Variants in CCNDBP1 observed in about 807,000 individuals in gnomAD.
CCNDBP1 encodes the protein cyclin-D1-binding protein 1.
CCNDBP1 carries 45 observed loss-of-function variants against 46.2 expected under a neutral mutation model. The ratio of observed to expected loss-of-function variants is 0.97; its 90% CI spans 0.77 to 1.25. The LOEUF is 1.25. Ranked by LOEUF, CCNDBP1 falls within the 50% of genes most tolerant of loss-of-function variation. CCNDBP1 has a pLI of 0.00. For synonymous variants in CCNDBP1, 154 were observed against 163.6 expected (o/e 0.94, Z 0.45); for missense variants, 436 against 442.1 (o/e 0.99, Z 0.12).
chr15:43,194,520 C>A, intron 10 of CCNDBP1, 59 bp downstream of exon 10: 4 of 1,327,726 alleles, frequency 3.0e-6, no homozygotes, highest in Non-Finnish European at 4.3e-6. Context: ...GCTGTCCAGA[C>A]GTTCTCAACT....
Position 43,196,559 on chromosome 15 carries a change from A to G in CCNDBP1, c.*1718A>G, listed in dbSNP as rs2042040554. 1 of 152,356 alleles carries G rather than the reference A, an allele frequency of 6.6e-6. No homozygotes were observed. The highest frequency in any genetic ancestry group is 2.1e-4 in the South Asian group (1 of 4,824). 9.4% of individuals were successfully genotyped at this position (152,356 alleles called of 1,614,324 possible). ...CACGTCAGCCTCCCAAAGTGCTGGG[A>G]TTACAGATGTGAGCCACCGAGCCCA... On this transcript the variant is annotated 3_prime_UTR_variant, in exon 11 of 11. Coordinates refer to ENST00000300213, the MANE Select transcript of CCNDBP1 (RefSeq NM_012142.5).
rs763476042 is a variant in CCNDBP1, at chr15:43,189,077, CAAAAAA to C, written c.250-100_250-95del. 313 of 152,170 alleles carry C rather than the reference CAAAAAA, an allele frequency of 2.1e-3. 3 individuals are homozygous for C. In the African/African-American group the frequency reaches 0.042, roughly 21 times the overall value. The allele number at this position is 152,170 out of a possible 1,614,324, so 9.4% of individuals were successfully genotyped here. On this transcript the variant is annotated intron_variant, in intron 3 of 10. Transcript: ENST00000300213. ...TGGGTGACAGAGTGAGACTCTGTCT[CAAAAAA>C]AAAAAAAAAAAAAAAAAAAAAGAAA...
intron 1 of CCNDBP1, 38 bp downstream of exon 1, chr15:43,185,645 G>A: frequency 1.4e-6 from 2 of 1,439,184 alleles, no homozygotes; most frequent in Non-Finnish European, 1.9e-6. Context: ...CGGCAGGGGC[G>A]GGCTCGGGGT....
At chr15:43,186,272 T>TA (rs776632562) in intron 3 of CCNDBP1, 39 bp downstream of exon 3, 2 of 1,509,944 alleles carry the variant, frequency 1.3e-6, no homozygotes, top group South Asian at 2.3e-5. Flanking sequence ...GCTGCCGAGT[T>TA]ACACCTTAGG....
Position 43,185,546 on chromosome 15 carries a change from G to A in CCNDBP1, c.48G>A (p.Ser16=), listed in dbSNP as rs1409055788. The change falls in exon 1 of 11, where the codon TCG becomes TCA. Residue 16 remains serine, a synonymous_variant. Coordinates refer to ENST00000300213, the MANE Select transcript of CCNDBP1 (RefSeq NM_012142.5). ...CAGCCGCAGTCCCCACCCTGGCTTCGCCTTTGGAGCAGCTCCGGCACTTGG... is the reference window on the plus strand; with the variant it reads ...CAGCCGCAGTCCCCACCCTGGCTTCACCTTTGGAGCAGCTCCGGCACTTGG... ...APAAAVPTLA[S]PLEQLRHLAE... 4 of 1,595,778 alleles carry A rather than the reference G, an allele frequency of 2.5e-6. No homozygotes were observed. The highest frequency in any genetic ancestry group is 2.3e-5 in the South Asian group (2 of 88,538).
At position 43,194,973 on chromosome 15, in the gene CCNDBP1, A is replaced by G; in HGVS notation, c.*132A>G. The G allele has an allele frequency of 1.7e-6, 1 of 588,082 alleles. No homozygotes were observed. Among genetic ancestry groups the G allele is most frequent in the Admixed American group, 3.3e-5 (1 of 30,382 alleles). 36.4% of individuals were successfully genotyped at this position (588,082 alleles called of 1,614,324 possible). A position where few individuals can be genotyped will look rare whatever the true frequency, so the allele number is the denominator to read the frequency against. ...CTATCTATATTTAGCAAGAGACACTATTACCAAAGATTGTTGGTTAGGCCA... is the reference window on the plus strand; with the variant it reads ...CTATCTATATTTAGCAAGAGACACTGTTACCAAAGATTGTTGGTTAGGCCA... On this transcript the variant is annotated 3_prime_UTR_variant, in exon 11 of 11. Coordinates refer to ENST00000300213, the MANE Select transcript of CCNDBP1 (RefSeq NM_012142.5).
At position 43,196,278 on chromosome 15, in the gene CCNDBP1, ATTTTTTTTTTTTTT is replaced by A. The variant is rs11337946; in HGVS notation, c.*1449_*1462del. Reference sequence around the variant, plus strand: ...ATCAGGGAAAGCACTGATCAATGTAATTTTTTTTTTTTTTTTTTTTTTTTTGAGATGGAGTCTTG... The same window carrying A: ...ATCAGGGAAAGCACTGATCAATGTAATTTTTTTTTTTGAGATGGAGTCTTG... On this transcript the variant is annotated 3_prime_UTR_variant, in exon 11 of 11. Coordinates refer to ENST00000300213, the MANE Select transcript of CCNDBP1 (RefSeq NM_012142.5). 2 of 64,930 alleles carry A rather than the reference ATTTTTTTTTTTTTT, an allele frequency of 3.1e-5. No homozygotes were observed. The highest frequency in any genetic ancestry group is 4.9e-5 in the African/African-American group (1 of 20,604). The allele number at this position is 64,930 out of a possible 1,614,324, so 4.0% of individuals were successfully genotyped here.
Position 43,185,480 on chromosome 15 carries a change from C to A in CCNDBP1, c.-19C>A. 1 of 1,563,714 alleles carries A rather than the reference C, an allele frequency of 6.4e-7. No individual in the cohort carries two copies. ...TGGCAGCGGAGGCCTGTGTTTGCGG[C>A]CTTCGGCAAGCGACTGAGATGGCGA... On this transcript the variant is annotated 5_prime_UTR_variant, in exon 1 of 11. Coordinates refer to ENST00000300213, the MANE Select transcript of CCNDBP1 (RefSeq NM_012142.5).
rs375788307 is a variant in CCNDBP1 at position 43,186,140 on chromosome 15, C to T, written c.170-14C>T. Reference sequence around the variant, plus strand: ...AACGTATTGGCACCTGCCTCCTCTTCGGCCACCCCCCAGATGAGGCAGCTG... The same window carrying T: ...AACGTATTGGCACCTGCCTCCTCTTTGGCCACCCCCCAGATGAGGCAGCTG... On this transcript the variant is annotated splice_polypyrimidine_tract_variant and intron_variant, in intron 2 of 10. Transcript: ENST00000300213. The T allele has an allele frequency of 3.7e-5, 59 of 1,612,656 alleles. No homozygotes were observed. Among genetic ancestry groups the T allele is most frequent in the Admixed American group, 5.0e-5 (3 of 59,998 alleles).
rs1567263481 is a variant in CCNDBP1, at chr15:43,190,374, C to T, written c.478C>T (p.Gln160Ter). The T allele has an allele frequency of 6.2e-7, 1 of 1,614,150 alleles. No individual in the cohort carries two copies. Among genetic ancestry groups the T allele is most frequent in the Non-Finnish European group, 8.5e-7 (1 of 1,180,028 alleles). ...ISYNSVWVAC[Q>*]QMPQIPRDNK... ...CTACAACAGTGTCTGGGTTGCGTGC[C>T]AGCAGATGCCTCAGATACCAAGAGG... is the stretch of plus-strand genomic sequence containing the variant. The change falls in exon 6 of 11, where the codon CAG becomes TAG. Residue 160 changes from glutamine to a stop codon, truncating the protein, a stop_gained. Coordinates refer to ENST00000300213, the MANE Select transcript of CCNDBP1 (RefSeq NM_012142.5). LOFTEE classifies it high-confidence loss of function.
At chr15:43,189,154 C>A in intron 3 of CCNDBP1, 45 bp from the exon 4 acceptor site, 1 of 943,890 alleles carries the variant, frequency 1.1e-6, no homozygotes, top group Non-Finnish European at 1.7e-6. Context: ...TATTCCACAG[C>A]AGAAGGGTTG....
intron 5 of CCNDBP1, 49 bp from the exon 6 acceptor site, chr15:43,190,276 A>C (rs1481005988): frequency 6.2e-7 from 1 of 1,602,512 alleles, no homozygotes. Flanking sequence ...GCTTTTTAGG[A>C]GACAGGAACC....
At position 43,190,365 on chromosome 15, in the gene CCNDBP1, G is replaced by A; in HGVS notation, c.469G>A (p.Val157Ile). 2 of 1,614,186 alleles carry A rather than the reference G, an allele frequency of 1.2e-6. No homozygotes were observed. Among genetic ancestry groups the A allele is most frequent in the Non-Finnish European group, 1.7e-6 (2 of 1,180,034 alleles). ...CCTTATTTCCTACAACAGTGTCTGGGTTGCGTGCCAGCAGATGCCTCAGAT... is the reference window on the plus strand; with the variant it reads ...CCTTATTTCCTACAACAGTGTCTGGATTGCGTGCCAGCAGATGCCTCAGAT... ...NDLISYNSVW[V>I]ACQQMPQIPR... Residue 157 changes from valine (V) to isoleucine (I), a missense_variant, in exon 6 of 11, where the codon GTT becomes ATT. Physicochemically the swap from Val to Ile is conservative, Grantham distance 29. Coordinates refer to ENST00000300213, the MANE Select transcript of CCNDBP1 (RefSeq NM_012142.5).
chr15:43,186,018 C>A, intron 2 of CCNDBP1, 136 bp from the exon 3 acceptor site: 1 of 1,171,920 alleles, frequency 8.5e-7, no homozygotes, highest in Non-Finnish European at 1.3e-6. Context: ...CACCTCAGCA[C>A]CTGAGAGGGT....
chr15:43,188,630 T>A (rs2041890839), intron 3 of CCNDBP1: 1 of 152,252 alleles, frequency 6.6e-6, no homozygotes, highest in Non-Finnish European at 1.5e-5. Context: ...ATACAGAGTA[T>A]CAGGAATAAG....
Position 43,185,832 on chromosome 15 carries a change from A to T in CCNDBP1, c.122A>T (p.Gln41Leu), listed in dbSNP as rs1427630362. Residue 41 changes from glutamine to leucine, a missense_variant, in exon 2 of 11, where the codon CAG becomes CTG. Coordinates refer to ENST00000300213, the MANE Select transcript of CCNDBP1 (RefSeq NM_012142.5). ...CCACACCCACAAGTCGGCGAAGCCC[A>T]GGAGACCACCGAGGAGTTTAATCGA... Reference protein sequence around the residue: ...LLPRVRVGEAQETTEEFNREM... With the variant: ...LLPRVRVGEALETTEEFNREM... The T allele has an allele frequency of 3.7e-6, 6 of 1,611,204 alleles. No homozygotes were observed. The highest frequency in any genetic ancestry group is 1.7e-5 in the Admixed American group (1 of 59,982).
chr15:43,187,402 T>C (rs2041871172), intron 3 of CCNDBP1, among the ~76,000 whole-genome samples: 1 of 152,056 alleles, frequency 6.6e-6, no homozygotes, highest in African/African-American at 2.4e-5. Flanking sequence ...CTCGAGTAGC[T>C]GGGATTACAG....
chr15:43,192,000 T>C (rs893404613), intron 8 of CCNDBP1, among the ~76,000 whole-genome samples: 3 of 152,226 alleles, frequency 2.0e-5, no homozygotes, highest in Non-Finnish European at 4.4e-5. Context: ...ATTCCTACTC[T>C]TATTATCACA....
At position 43,191,672 on chromosome 15, in the gene CCNDBP1, C is replaced by T. The variant is rs746016475; in HGVS notation, c.857C>T (p.Pro286Leu). Residue 286 changes from proline (P) to leucine (L), a missense_variant, in exon 8 of 11, where the codon CCT becomes CTT. Transcript: ENST00000300213. ...DIVDISDEIS[P>L]SVDDLALSIY... The stretch of plus-strand genomic sequence containing the variant: ...GTGGATATTTCTGATGAAATCAGCC[C>T]TAGGTAAGCGGGATCCCCACTTGAA... 6 of 1,601,534 alleles carry T rather than the reference C, an allele frequency of 3.7e-6. No individual in the cohort carries two copies. In the Admixed American group the frequency reaches 8.3e-5, roughly 22 times the overall value.
Sources: allele counts gnomAD v4.1 joint callset (sites outside exome capture counted in the v4.1 genomes callset), GRCh38; gene constraint gnomAD v4.1.1; transcripts MANE v1.5; gene names NCBI Gene and HGNC (gene_info 2026-07-23, HGNC 2026-07-21).